The following ZNF394 variants were observed in gnomAD, a reference collection of about 807,000 sequenced individuals.
ZNF394 encodes zinc finger protein 99.
ZNF394 carries 19 observed loss-of-function variants against 21.8 expected under a neutral mutation model. The ratio of observed to expected loss-of-function variants is 0.87; its 90% CI spans 0.61 to 1.28. ZNF394 has a LOEUF of 1.28. ZNF394 is among the 50% of genes most tolerant of loss of function. The pLI is 0.00. For synonymous variants in ZNF394, 294 were observed against 273.3 expected, an observed-to-expected ratio of 1.08 and a Z score of -0.75; for missense variants, 683 against 708.6, an observed-to-expected ratio of 0.96 and a Z score of 0.41.
At chr7:99,496,862 G>A (rs997471699) in intron 2 of ZNF394, among the ~76,000 whole-genome samples, 46 of 151,490 alleles carry the variant, frequency 3.0e-4, no homozygotes, top group East Asian at 3.9e-4. Context: ...GTGAGCCACC[G>A]TACCCAGCCA....
Position 99,500,029 on chromosome 7 carries a change from G to A in ZNF394, c.65C>T (p.Ala22Val), listed in dbSNP as rs1420473057. Residue 22 changes from alanine (A) to valine (V), a missense_variant, in exon 1 of 3, where the codon GCT (alanine) becomes GTT (valine). Physicochemically the swap from Ala to Val is moderately conservative, Grantham distance 64. This residue lies in a region of ZNF394 where 402 missense variants were observed against 373.8 expected (regional missense o/e 1.08). Coordinates refer to ENST00000337673, the MANE Select transcript of ZNF394 (RefSeq NM_032164.4). The part of the protein sequence containing the change: ...SDAELGPWVM[A>V]ARSKDAAPSQ... ...CGGCGCCGCGTCCTTGGACCTCGCAGCCATCACCCAGGGTCCCAACTCGGC... is the reference window on the plus strand; with the variant it reads ...CGGCGCCGCGTCCTTGGACCTCGCAACCATCACCCAGGGTCCCAACTCGGC... The A allele has an allele frequency of 2.5e-6, 4 of 1,603,352 alleles. No individual in the cohort carries two copies. Among genetic ancestry groups the A allele is most frequent in the African/African-American group, 2.7e-5 (2 of 74,912 alleles).
rs1192052799 is a variant in ZNF394, at chr7:99,493,471, G to A, written c.*58C>T. 4 of 1,413,140 alleles carry A rather than the reference G, an allele frequency of 2.8e-6. No individual in the cohort carries two copies. Among genetic ancestry groups the A allele is most frequent in the Non-Finnish European group, 3.8e-6 (4 of 1,041,414 alleles). The allele number at this position is 1,413,140 out of a possible 1,614,324, so 87.5% of individuals were successfully genotyped here. On this transcript the variant is annotated 3_prime_UTR_variant, in exon 3 of 3. Transcript: ENST00000337673. Reference sequence around the variant, plus strand: ...AGGATTTTACCATGTTGGCCAGGCTGGTTTCAAACTCCTGATCTCAAATGA... The same window carrying A: ...AGGATTTTACCATGTTGGCCAGGCTAGTTTCAAACTCCTGATCTCAAATGA...
rs746781878 is a variant in ZNF394 at position 99,494,083 on chromosome 7, T to C, written c.1132A>G (p.Arg378Gly). The C allele has an allele frequency of 1.2e-6, 2 of 1,614,198 alleles. No homozygotes were observed. The highest frequency in any genetic ancestry group is 2.7e-5 in the African/African-American group (2 of 75,040). Reference sequence around the variant, plus strand: ...TAGGGTTTCTCACCTGTGTGGATTCTCTGGTGTCTAAAGAGGTCAGAGCGT... The same window carrying C: ...TAGGGTTTCTCACCTGTGTGGATTCCCTGGTGTCTAAAGAGGTCAGAGCGT... ...KQRSDLFRHQ[R>G]IHTGEKPYGC... The change falls in exon 3 of 3, where the codon AGA becomes GGA. Residue 378 changes from arginine to glycine, a missense_variant. This residue lies in a region of ZNF394 where 274 missense variants were observed against 314.1 expected (regional missense o/e 0.87). Coordinates refer to ENST00000337673, the MANE Select transcript of ZNF394 (RefSeq NM_032164.4).
intron 1 of ZNF394, chr7:99,487,159 G>C (rs1247791167): frequency 1.2e-6 from 2 of 1,614,134 alleles, no homozygotes; most frequent in Non-Finnish European, 1.7e-6. Context: ...TAAATGCCTT[G>C]AGTGTGGAAA....
chr7:99,490,281 A>T (rs1349462985), downstream of ZNF394, among the ~76,000 whole-genome samples: 2 of 149,176 alleles, frequency 1.3e-5, no homozygotes, highest in African/African-American at 5.0e-5. Context: ...CAGCCTCCTG[A>T]GTAGCTGGGA....
downstream of ZNF394, among the ~76,000 whole-genome samples, chr7:99,490,297 G>C (rs1157391306): frequency 6.6e-6 from 1 of 151,890 alleles, no homozygotes; most frequent in Non-Finnish European, 1.5e-5. Context: ...TGGGACTACA[G>C]GTGCCTGTCA....
Position 99,494,335 on chromosome 7 carries a change from T to G in ZNF394, c.880A>C (p.Asn294His), listed in dbSNP as rs755930810. Residue 294 changes from asparagine (N) to histidine (H), a missense_variant, in exon 3 of 3, where the codon AAC becomes CAC. Coordinates refer to ENST00000337673, the MANE Select transcript of ZNF394 (RefSeq NM_032164.4). ...GGGATGTGCTGACATAGAACAAGGT[T>G]GGAACACCTGGCACTGTTCTGCAAT... ...NELQNSARCS[N>H]LVLCQHIPKA... 3.1e-6 allele frequency: 5 copies of G among 1,614,244 alleles called. No individual in the cohort carries two copies. In the South Asian group the frequency reaches 3.3e-5, roughly 11 times the overall value.
chr7:99,499,943 G>A lies in ZNF394; in HGVS notation c.151C>T (p.Pro51Ser), dbSNP rs1388077659. 2 of 1,613,962 alleles carry A rather than the reference G, an allele frequency of 1.2e-6. No homozygotes were observed. The highest frequency in any genetic ancestry group is 1.3e-5 in the African/African-American group (1 of 75,062). The change falls in exon 1 of 3, where the codon CCC becomes TCC. Residue 51 changes from proline (P) to serine (S), a missense_variant. Transcript: ENST00000337673. ...TCCGGCGAAGCCGCGGGATAGTTGG[G>A]CTCCCAACTTCCGGGTGAGTCTTCC... ...VEEDSPGSWE[P>S]NYPAASPDPE... is the part of the protein sequence containing the mutation.
rs1800012459 is a variant in ZNF394 at position 99,487,174 on chromosome 7, T to C, written n.84-211A>G. ...TAAATGCCTTGAGTGTGGAAAAGCC[T>C]TTGGCCGGCATTCAACCCTTCTATG... On this transcript the variant is annotated intron_variant and non_coding_transcript_variant, in intron 1 of 1. Transcript: ENST00000462024. 3 of 1,614,108 alleles carry C rather than the reference T, an allele frequency of 1.9e-6. No homozygotes were observed. The East Asian group carries it at 6.7e-5, about 36-fold the overall frequency.
downstream of ZNF394, among the ~76,000 whole-genome samples, chr7:99,492,451 G>A (rs955390905): frequency 6.6e-6 from 1 of 151,104 alleles, no homozygotes; most frequent in Non-Finnish European, 1.5e-5. Context: ...ACCAGCCTAG[G>A]CAACACAGTG....
At chr7:99,487,507 C>T in intron 1 of ZNF394, 1 of 1,594,298 alleles carries the variant, frequency 6.3e-7, no homozygotes, top group East Asian at 2.2e-5. Context: ...GGAAAGCAGT[C>T]ATTGGAGAAC....
intron 2 of ZNF394, chr7:99,498,027 G>C (rs1422262030): frequency 6.6e-6 from 1 of 152,166 alleles, no homozygotes; most frequent in Non-Finnish European, 1.5e-5. Flanking sequence ...CTGTCTCTAG[G>C]CATATTCTCT....
chr7:99,494,648 C>A lies in ZNF394; in HGVS notation c.584-17G>T. ...TTTCCAAACCTGAAACGTGAAAATA[C>A]AAATTCCTGCCAGTGCATCCCTGTG... On this transcript the variant is annotated splice_polypyrimidine_tract_variant and intron_variant, in intron 2 of 2. Coordinates refer to ENST00000337673, the MANE Select transcript of ZNF394 (RefSeq NM_032164.4). 2 of 1,556,618 alleles carry A rather than the reference C, an allele frequency of 1.3e-6. No homozygotes were observed. The highest frequency in any genetic ancestry group is 2.5e-5 in the South Asian group (2 of 80,808).
chr7:99,486,919 G>A, exon 2 of ZNF394: 1 of 1,614,150 alleles, frequency 6.2e-7, no homozygotes, highest in Non-Finnish European at 8.5e-7. Context: ...CTGTGGGCAA[G>A]CCTTCAGACA....
chr7:99,497,087 C>CGTGT (rs201206255), intron 2 of ZNF394, among the ~76,000 whole-genome samples: 1,621 of 94,538 alleles, frequency 0.017, 40 homozygotes, highest in East Asian at 0.034. Flanking sequence ...TACATACATA[C>CGTGT]GTGTGTGTGT....
At chr7:99,490,301 C>G (rs1469920059), downstream of ZNF394, among the ~76,000 whole-genome samples, 1 of 151,818 alleles carries the variant, frequency 6.6e-6, no homozygotes, top group Non-Finnish European at 1.5e-5. Flanking sequence ...ACTACAGGTG[C>G]CTGTCAGCAT....
intron 2 of ZNF394, among the ~76,000 whole-genome samples, chr7:99,497,122 GTATATATATATATATATA>G (rs1206330509): frequency 2.5e-5 from 2 of 79,466 alleles, no homozygotes; most frequent in African/African-American, 1.5e-4. Context: ...GTGTGTGTGT[GTATATATATATATATATA>G]TGTATATATA....
At chr7:99,487,331 G>A in intron 1 of ZNF394, 1 of 1,614,254 alleles carries the variant, frequency 6.2e-7, no homozygotes, top group Non-Finnish European at 8.5e-7. Context: ...TGTGGAGAAT[G>A]TGGGAAAACG....
downstream of ZNF394, among the ~76,000 whole-genome samples, chr7:99,490,000 G>T (rs974864373): frequency 3.3e-5 from 5 of 151,018 alleles, no homozygotes; most frequent in Non-Finnish European, 5.9e-5. Context: ...GTGAGACCCC[G>T]TGTCAAAAAA....
Sources: gnomAD v4.1 joint callset for allele counts (sites outside exome capture counted in the v4.1 genomes callset) on GRCh38, gnomAD v4.1.1 for gene constraint, gnomAD v4.1.1 regional missense constraint, MANE v1.5 for transcripts, NCBI Gene and HGNC (gene_info 2026-07-23, HGNC 2026-07-21) for gene names.